Variants in STEAP3 observed in about 807,000 individuals in gnomAD.
STEAP3 encodes STEAP3 metalloreductase.
Under a neutral mutation model 34.9 loss-of-function variants are expected in STEAP3, and 35 were observed. That is an observed-to-expected ratio of 1.00 (90% confidence interval 0.76 to 1.33). The LOEUF (loss-of-function observed/expected upper bound fraction) is 1.33, where lower values mean the gene tolerates loss of function less well. STEAP3 is among the 40% of genes most tolerant of loss of function. STEAP3 has a pLI of 0.00. For synonymous variants in STEAP3, 281 were observed against 301.6 expected (o/e 0.93, Z 0.71); for missense variants, 652 against 667.6 (o/e 0.98, Z 0.26).
At chr2:119,228,331 A>G (rs1479714601) in intron 1 of STEAP3, among the ~76,000 whole-genome samples, 3 of 152,130 alleles carry the variant, frequency 2.0e-5, no homozygotes, top group African/African-American at 7.2e-5. Flanking sequence ...TGGCCTGCCC[A>G]TTGCCACAGT....
At position 119,265,106 on chromosome 2, in the gene STEAP3, GC is replaced by G. The variant is rs1323276293; in HGVS notation, c.*1771del. ...TTAGCATTGCCTTGGCATAACAAGGGCCCATCGATTCCCTACTAATGAGAGG... is the reference window on the plus strand; with the variant it reads ...TTAGCATTGCCTTGGCATAACAAGGGCCATCGATTCCCTACTAATGAGAGG... On this transcript the variant is annotated 3_prime_UTR_variant, in exon 6 of 6. Coordinates refer to ENST00000393110, the MANE Select transcript of STEAP3 (RefSeq NM_182915.3). The G allele has an allele frequency of 6.6e-6, 1 of 152,212 alleles. No individual in the cohort carries two copies. Among genetic ancestry groups the G allele is most frequent in the African/African-American group, 2.4e-5 (1 of 41,434 alleles). 9.4% of individuals were successfully genotyped at this position (152,212 alleles called of 1,614,324 possible). A position where few individuals can be genotyped will look rare whatever the true frequency, so the allele number is the denominator to read the frequency against.
rs1386387860 is a variant in STEAP3 at position 119,263,348 on chromosome 2, C to T, written c.*10C>T. The T allele has an allele frequency of 6.2e-7, 1 of 1,610,090 alleles. No homozygotes were observed. The highest frequency in any genetic ancestry group is 1.7e-5 in the Admixed American group (1 of 59,194). On this transcript the variant is annotated 3_prime_UTR_variant, in exon 6 of 6. Transcript: ENST00000393110. ...GACGAGCCACGTATGAGGTGCCTGC[C>T]CTGGGCTCTGGACCCCGGGCACACG...
At chr2:119,255,004 T>C (rs543594532) in intron 5 of STEAP3, among the ~76,000 whole-genome samples, 156 bp downstream of exon 5, 51 of 152,220 alleles carry the variant, frequency 3.4e-4, no homozygotes, top group African/African-American at 1.2e-3. Context: ...AGAGGGCCCA[T>C]CCAAGCCTCT....
chr2:119,249,700 C>T (rs1484540696), intron 4 of STEAP3, among the ~76,000 whole-genome samples: 1 of 152,190 alleles, frequency 6.6e-6, no homozygotes, highest in African/African-American at 2.4e-5. Flanking sequence ...GAACCACAGA[C>T]CTCAGCCCCT....
chr2:119,253,302 C>T (rs1319700617), intron 4 of STEAP3, among the ~76,000 whole-genome samples: 2 of 152,180 alleles, frequency 1.3e-5, no homozygotes, highest in African/African-American at 4.8e-5. Flanking sequence ...TGAGCCAGGC[C>T]TGCCCTAAAA....
intron 2 of STEAP3, among the ~76,000 whole-genome samples, chr2:119,235,879 C>T (rs372938507): frequency 1.3e-5 from 2 of 152,154 alleles, no homozygotes; most frequent in Non-Finnish European, 1.5e-5. Flanking sequence ...CCCTAGAGGG[C>T]TCAAGGAGCC....
At chr2:119,246,168 C>T (rs1677419903) in intron 3 of STEAP3, 180 bp downstream of exon 3, 10 of 871,148 alleles carry the variant, frequency 1.1e-5, no homozygotes, top group South Asian at 1.9e-5. Flanking sequence ...ACTGAAAATT[C>T]CATAGCTGGT....
At chr2:119,247,486 G>T (rs1021414890) in intron 3 of STEAP3, among the ~76,000 whole-genome samples, 193 bp from the exon 4 acceptor site, 1 of 152,208 alleles carries the variant, frequency 6.6e-6, no homozygotes, top group African/African-American at 2.4e-5. Context: ...GAGGCTGGGA[G>T]GCCTGGGCAG....
At chr2:119,228,666 C>T (rs1679115835) in intron 1 of STEAP3, among the ~76,000 whole-genome samples, 1 of 152,160 alleles carries the variant, frequency 6.6e-6, no homozygotes. Flanking sequence ...GAAAGCCCTG[C>T]CCTCCTGGTG....
chr2:119,250,405 G>A (rs770226833), intron 4 of STEAP3, among the ~76,000 whole-genome samples: 11 of 152,210 alleles, frequency 7.2e-5, no homozygotes, highest in South Asian at 2.1e-4. Flanking sequence ...TTTTGTCCTC[G>A]AGGCCCTGAT....
chr2:119,246,144 A>T (rs1677418553), intron 3 of STEAP3, 156 bp downstream of exon 3: 1 of 1,051,834 alleles, frequency 9.5e-7, no homozygotes, highest in Non-Finnish European at 1.3e-6. Flanking sequence ...TGGCTCAAAG[A>T]CATTAATGAT....
At chr2:119,227,188 T>C (rs1573533194) in intron 1 of STEAP3, among the ~76,000 whole-genome samples, 2 of 141,182 alleles carry the variant, frequency 1.4e-5, no homozygotes, top group African/African-American at 6.1e-5. Flanking sequence ...CTATAGCTCA[T>C]GTGAGTGAGC....
chr2:119,262,153 T>A (rs1677960708), intron 5 of STEAP3, among the ~76,000 whole-genome samples: 1 of 152,126 alleles, frequency 6.6e-6, no homozygotes, highest in Non-Finnish European at 1.5e-5. Context: ...TGGTGCCAAA[T>A]CCACGTGCCA....
chr2:119,227,810 G>GTATGTATTTATT (rs1553437010), intron 1 of STEAP3, among the ~76,000 whole-genome samples: 4 of 145,362 alleles, frequency 2.8e-5, no homozygotes, highest in South Asian at 2.2e-4. Context: ...CCCATTTCTT[G>GTATGTATTTATT]TATTTATTTA....
rs1040226467 is a variant in STEAP3, at chr2:119,230,760, C to G, written c.-253C>G. ...AGCAGGAAGCAGCAGGCCAGAGCTG[C>G]GCTCTCTCAGTGCACTCTCCAACCA... On this transcript the variant is annotated 5_prime_UTR_variant, in exon 2 of 6. Transcript: ENST00000393110. The G allele has an allele frequency of 6.8e-6, 4 of 584,950 alleles. No individual in the cohort carries two copies. In the Admixed American group the frequency reaches 1.2e-4, roughly 17 times the overall value. The allele number at this position is 584,950 out of a possible 1,614,324, so 36.2% of individuals were successfully genotyped here.
chr2:119,254,881 A>T, intron 5 of STEAP3, 33 bp downstream of exon 5: 2 of 1,606,028 alleles, frequency 1.2e-6, no homozygotes, highest in Non-Finnish European at 1.7e-6. Context: ...AGCCAGCTTC[A>T]GCGTGGCCCT....
intron 2 of STEAP3, among the ~76,000 whole-genome samples, chr2:119,241,762 C>A (rs920154609): frequency 6.6e-6 from 1 of 152,344 alleles, no homozygotes; most frequent in Admixed American, 6.5e-5. Context: ...CTGAGCAACA[C>A]CCTCAAGGCC....
intron 5 of STEAP3, 66 bp downstream of exon 5, chr2:119,254,914 G>C: frequency 6.4e-7 from 1 of 1,557,892 alleles, no homozygotes; most frequent in South Asian, 1.2e-5. Context: ...ATGAGTAAGT[G>C]CTCTGCCTTT....
chr2:119,254,393 G>A (rs1031144135), intron 4 of STEAP3, among the ~76,000 whole-genome samples: 1 of 152,116 alleles, frequency 6.6e-6, no homozygotes, highest in Non-Finnish European at 1.5e-5. Flanking sequence ...GGCTGAGTGG[G>A]TCCTGATCCC....
Sources: allele counts gnomAD v4.1 joint callset (sites outside exome capture counted in the v4.1 genomes callset), GRCh38; gene constraint gnomAD v4.1.1; transcripts MANE v1.5; gene names NCBI Gene and HGNC (gene_info 2026-07-23, HGNC 2026-07-21).